Variants in HDLBP observed in about 807,000 individuals in gnomAD.
HDLBP encodes high density lipoprotein binding protein, also known as vigilin.
Under a neutral mutation model 137.3 loss-of-function variants are expected in HDLBP, and 30 were observed. That is an observed-to-expected ratio of 0.22 (90% CI 0.16 to 0.30). The LOEUF is 0.30. Ranked by LOEUF, HDLBP falls within the 10% of genes least tolerant of loss-of-function variation. The pLI is 1.00. For synonymous variants in HDLBP, 606 were observed against 596.0 expected, an observed-to-expected ratio of 1.02 and a Z score of -0.24; for missense variants, 1,119 against 1,667.3, an observed-to-expected ratio of 0.67 and a Z score of 5.73.
chr2:241,308,605 G>A (rs144708726), intron 1 of HDLBP, among the ~76,000 whole-genome samples: 34 of 152,310 alleles, frequency 2.2e-4, no homozygotes, highest in African/African-American at 7.2e-4. Flanking sequence ...GCGTCAAAGT[G>A]TATACTGTTT....
chr2:241,302,156 G>A (rs868441665), intron 1 of HDLBP, among the ~76,000 whole-genome samples: 3 of 152,180 alleles, frequency 2.0e-5, no homozygotes, highest in Middle Eastern at 3.4e-3. Flanking sequence ...TACTCAGGAG[G>A]CGGAGGCAAA....
chr2:241,315,643 C>T lies in HDLBP; in HGVS notation c.-176G>A, dbSNP rs2076053867. The T allele has an allele frequency of 6.6e-6, 1 of 152,372 alleles. No homozygotes were observed. The highest frequency in any genetic ancestry group is 1.5e-5 in the Non-Finnish European group (1 of 68,186). 9.4% of individuals were successfully genotyped at this position (152,372 alleles called of 1,614,324 possible). A position where few individuals can be genotyped will look rare whatever the true frequency, so the allele number is the denominator to read the frequency against. ...CTGTGGCGAAACAGGGACAAGCCGC[C>T]ATCTTGGTAAAGGAGAAGAGGCTAC... On this transcript the variant is annotated 5_prime_UTR_variant, in exon 1 of 28. The change abolishes an upstream ATG in the 5' untranslated region. Coordinates refer to ENST00000310931, the MANE Select transcript of HDLBP (RefSeq NM_005336.6).
At position 241,239,706 on chromosome 2, in the gene HDLBP, T is replaced by C. The variant is rs749661867; in HGVS notation, c.2506A>G (p.Ser836Gly). 6.2e-7 allele frequency: 1 copy of C among 1,614,182 alleles called. No individual in the cohort carries two copies. Among genetic ancestry groups the C allele is most frequent in the East Asian group, 2.2e-5 (1 of 44,890 alleles). ...IAEEYGGVMV[S>G]FPRSGTQSDK... ...CTCTGTGTGCCAGAGCGTGGGAAGC[T>C]GACCATCACCCCGCCATACTCTTCA... Residue 836 changes from serine (S) to glycine (G), a missense_variant, in exon 19 of 28, where the codon AGC (serine) becomes GGC (glycine). Physicochemically the swap from Ser to Gly is moderately conservative, Grantham distance 56. Transcript: ENST00000310931. The surrounding 1 kb of genome is among the most constrained non-coding windows in gnomAD (Gnocchi z 4.6).
chr2:241,288,340 T>C (rs2074902647), intron 1 of HDLBP, among the ~76,000 whole-genome samples: 1 of 152,196 alleles, frequency 6.6e-6, no homozygotes, highest in African/African-American at 2.4e-5. Flanking sequence ...ACATAAGAGC[T>C]GTCTTTACCA....
chr2:241,229,994 C>T (rs1211401061), intron 26 of HDLBP, 33 bp from the exon 27 acceptor site: 1 of 1,575,436 alleles, frequency 6.3e-7, no homozygotes, highest in Non-Finnish European at 8.6e-7. Flanking sequence ...CAGGGTCAGT[C>T]TGCCCAGCAC....
rs570176804 is a variant in HDLBP at position 241,270,388 on chromosome 2, G to A, written c.-102-1847C>T. Among the ~76,000 whole-genome samples the A allele has an allele frequency of 2.6e-5, 4 of 152,340 alleles. No individual in the cohort carries two copies. The East Asian group carries it at 7.7e-4, about 29-fold the overall frequency. ...CCAGATTCCAAGTGGCAGTTTGTCA[G>A]AGCGTGTAACGAATGGTTCACAACT... On this transcript the variant is annotated intron_variant, in intron 1 of 27. Coordinates refer to ENST00000310931, the MANE Select transcript of HDLBP (RefSeq NM_005336.6).
chr2:241,315,188 G>A (rs889449705), intron 1 of HDLBP: 2 of 152,230 alleles, frequency 1.3e-5, no homozygotes, highest in African/African-American at 4.8e-5. Context: ...CCCGGGCACA[G>A]GAAGGCCACG....
chr2:241,263,620 G>C (rs1421863795), intron 4 of HDLBP, among the ~76,000 whole-genome samples: 1 of 152,106 alleles, frequency 6.6e-6, no homozygotes, highest in Non-Finnish European at 1.5e-5. Flanking sequence ...CTGTTTATGA[G>C]CCTAAAATTC....
In HDLBP at chr2:241,272,697, C is replaced by T. The variant is rs1287754403; in HGVS notation, c.-102-4156G>A. The T allele has an allele frequency of 1.4e-6, 1 of 723,992 alleles. No homozygotes were observed. Among genetic ancestry groups the T allele is most frequent in the African/African-American group, 2.0e-5 (1 of 50,196 alleles). The allele number at this position is 723,992 out of a possible 1,614,324, so 44.8% of individuals were successfully genotyped here. On this transcript the variant is annotated intron_variant, in intron 1 of 27. Transcript: ENST00000310931. The surrounding 1 kb of genome is among the most constrained non-coding windows in gnomAD (Gnocchi z 5.6). ...AGCAGCCACCCCCCACCCCCCCGCC[C>T]GGCAGCCCGCCCGCCCCGTCCGCCC...
At chr2:241,247,297 A>C in intron 14 of HDLBP, 155 bp from the exon 15 acceptor site, 1 of 620,580 alleles carries the variant, frequency 1.6e-6, no homozygotes, top group Non-Finnish European at 2.9e-6. Context: ...GAGATAGATC[A>C]TTTGTCCAAC....
chr2:241,294,711 T>G (rs2075118025), intron 1 of HDLBP, among the ~76,000 whole-genome samples: 2 of 152,186 alleles, frequency 1.3e-5, no homozygotes, highest in Non-Finnish European at 2.9e-5. Context: ...CCTAATTAAT[T>G]GATCACTAAA....
At chr2:241,261,962 A>C (rs1398876276) in intron 5 of HDLBP, among the ~76,000 whole-genome samples, 1 of 152,228 alleles carries the variant, frequency 6.6e-6, no homozygotes, top group Non-Finnish European at 1.5e-5. Context: ...CCCCATTCCT[A>C]AATAAGCCTA....
At chr2:241,280,080 T>TATA in intron 1 of HDLBP, 1 of 985,348 alleles carries the variant, frequency 1.0e-6, no homozygotes, top group Non-Finnish European at 1.2e-6. Flanking sequence ...TGCAGTCTTA[T>TATA]AGGAAGTTAT....
chr2:241,229,877 A>T lies in HDLBP; in HGVS notation c.3676T>A (p.Phe1226Ile). ...GTCCAGGGTGCGTCCCGCACCACAA[A>T]GCCTCTGGAAGGTGCCTTGGCCTCT... ...HEEAKAPSRGFVVRDAPWTAS... is the reference protein window; with the variant it reads ...HEEAKAPSRGIVVRDAPWTAS... The change falls in exon 27 of 28, where the codon TTT becomes ATT. Residue 1226 changes from phenylalanine (F) to isoleucine (I), a missense_variant. By Grantham distance (21) the Phe-to-Ile change is conservative. This residue lies in a region of HDLBP where 618 missense variants were observed against 816.7 expected (regional missense o/e 0.76). Transcript: ENST00000310931. The T allele has an allele frequency of 6.3e-7, 1 of 1,589,828 alleles. No individual in the cohort carries two copies. Among genetic ancestry groups the T allele is most frequent in the Non-Finnish European group, 8.6e-7 (1 of 1,167,456 alleles).
chr2:241,294,464 A>ATTAT, intron 1 of HDLBP, among the ~76,000 whole-genome samples: 1 of 152,214 alleles, frequency 6.6e-6, no homozygotes, highest in East Asian at 1.9e-4. Context: ...ATTTTATTTT[A>ATTAT]TTATTTATTT....
chr2:241,273,273 C>T (rs2074251227), intron 1 of HDLBP: 2 of 971,434 alleles, frequency 2.1e-6, no homozygotes, highest in South Asian at 9.6e-5. Context: ...TTCATTCCCT[C>T]ATTCCTGCGT....
intron 1 of HDLBP, among the ~76,000 whole-genome samples, chr2:241,278,412 G>A (rs1328927994): frequency 1.3e-5 from 2 of 152,030 alleles, no homozygotes; most frequent in Non-Finnish European, 2.9e-5. Flanking sequence ...GCGAAACTCC[G>A]TCTCTACTAA....
chr2:241,301,678 T>C (rs2075400044), intron 1 of HDLBP, among the ~76,000 whole-genome samples: 1 of 151,994 alleles, frequency 6.6e-6, no homozygotes, highest in Non-Finnish European at 1.5e-5. Context: ...ATTTACAAGC[T>C]ACAAGACACC....
At chr2:241,276,349 T>C (rs2074386109) in intron 1 of HDLBP, among the ~76,000 whole-genome samples, 1 of 152,166 alleles carries the variant, frequency 6.6e-6, no homozygotes, top group Non-Finnish European at 1.5e-5. Flanking sequence ...GCGGTATTCA[T>C]TACGATGTAC....
Sources: allele counts gnomAD v4.1 joint callset (sites outside exome capture counted in the v4.1 genomes callset), GRCh38; gene constraint gnomAD v4.1.1; regional missense constraint gnomAD v4.1.1; non-coding constraint Gnocchi (gnomAD v3.1); transcripts MANE v1.5; gene names NCBI Gene and HGNC (gene_info 2026-07-23, HGNC 2026-07-21).